TTC28: variants seen among roughly 807,000 people sequenced by gnomAD.
TTC28 encodes the protein tetratricopeptide repeat domain 28.
A neutral mutation model predicts 198.0 loss-of-function variants in TTC28; 61 were observed. The ratio of observed to expected loss-of-function variants is 0.31; its 90% CI spans 0.25 to 0.38. TTC28 has a LOEUF of 0.38. Among genes scored for constraint, TTC28 ranks in the 10% least tolerant of loss-of-function variants. TTC28 has a pLI of 1.00. For missense variants in TTC28, 2,678 were observed against 3,164.0 expected, an observed-to-expected ratio of 0.85 and a Z score of 3.69; for synonymous variants, 1,171 against 1,297.8, an observed-to-expected ratio of 0.90 and a Z score of 2.10.
intron 5 of TTC28, among the ~76,000 whole-genome samples, chr22:28,208,817 C>A (rs770393932): frequency 5.9e-5 from 9 of 151,910 alleles, no homozygotes; most frequent in Non-Finnish European, 8.8e-5. Flanking sequence ...GATCTGAAAC[C>A]AATTTCGGCC....
At chr22:28,310,370 G>T (rs1436844689) in intron 2 of TTC28, among the ~76,000 whole-genome samples, 1 of 152,142 alleles carries the variant, frequency 6.6e-6, no homozygotes, top group Non-Finnish European at 1.5e-5. Flanking sequence ...AGTATTATTA[G>T]CATTTGCTTT....
At chr22:28,552,579 C>T (rs906714410) in intron 2 of TTC28, among the ~76,000 whole-genome samples, 2 of 152,112 alleles carry the variant, frequency 1.3e-5, no homozygotes, top group African/African-American at 4.8e-5. Flanking sequence ...AACCCAAATA[C>T]TTACAGCTAA....
chr22:28,662,870 T>A (rs1397111422), intron 1 of TTC28, among the ~76,000 whole-genome samples: 4 of 152,040 alleles, frequency 2.6e-5, no homozygotes. Flanking sequence ...ATGACAGGGA[T>A]CCAAGACAAC....
At chr22:28,248,947 C>T (rs1930316541) in intron 5 of TTC28, among the ~76,000 whole-genome samples, 2 of 152,110 alleles carry the variant, frequency 1.3e-5, no homozygotes, top group Admixed American at 1.3e-4. Context: ...TGAGTAAATA[C>T]TTACTGCACA....
Position 27,998,782 on chromosome 22 carries a change from G to A in TTC28, c.4877C>T (p.Ser1626Phe), listed in dbSNP as rs1348531133. 2.6e-6 allele frequency: 4 copies of A among 1,550,684 alleles called. No homozygotes were observed. Among genetic ancestry groups the A allele is most frequent in the Non-Finnish European group, 3.5e-6 (4 of 1,147,016 alleles). ...LPVKLVVLGS[S>F]QESNSKVTAD... ...TGTGACTTTGCTGTTGGACTCCTGG[G>A]AGGAGCCAAGCACCACCAGCTTCAC... Residue 1626 changes from serine to phenylalanine, a missense_variant, in exon 16 of 23, where the codon TCC becomes TTC. By Grantham distance (155) the Ser-to-Phe change is radical. This residue lies in a region of TTC28 where 727 missense variants were observed against 861.9 expected (regional missense o/e 0.84). Transcript: ENST00000397906.
intron 22 of TTC28, 60 bp downstream of exon 22, chr22:27,985,189 G>T: frequency 4.8e-6 from 6 of 1,255,988 alleles, no homozygotes; most frequent in Non-Finnish European, 6.7e-6. Flanking sequence ...TGCTGGTGTC[G>T]GCCCCCAGGG....
At chr22:28,112,017 G>C (rs755808274) in intron 6 of TTC28, among the ~76,000 whole-genome samples, 4 of 152,162 alleles carry the variant, frequency 2.6e-5, no homozygotes, top group Non-Finnish European at 5.9e-5. Context: ...CAGAAGTACT[G>C]TTTACAAGCC....
chr22:28,412,884 T>C (rs2047103888), intron 2 of TTC28, among the ~76,000 whole-genome samples: 1 of 152,224 alleles, frequency 6.6e-6, no homozygotes, highest in African/African-American at 2.4e-5. Flanking sequence ...CCCTTGGCTA[T>C]CAGCTTTATG....
At chr22:28,170,304 G>A (rs990554918) in intron 5 of TTC28, among the ~76,000 whole-genome samples, 6 of 151,678 alleles carry the variant, frequency 4.0e-5, no homozygotes, top group Non-Finnish European at 7.4e-5. Flanking sequence ...TGGCTAACAC[G>A]GTGAAACCCC....
At chr22:28,652,501 C>T (rs1191872782) in intron 1 of TTC28, among the ~76,000 whole-genome samples, 1 of 152,180 alleles carries the variant, frequency 6.6e-6, no homozygotes, top group African/African-American at 2.4e-5. Context: ...TTTAAAGGAA[C>T]ATCAATGATA....
intron 2 of TTC28, among the ~76,000 whole-genome samples, chr22:28,325,863 C>A (rs1772693763): frequency 6.6e-6 from 1 of 152,020 alleles, no homozygotes; most frequent in Non-Finnish European, 1.5e-5. Flanking sequence ...CTAGTGAGGA[C>A]AGAGAGAACC....
intron 1 of TTC28, among the ~76,000 whole-genome samples, chr22:28,631,143 ATAAG>A (rs1190118813): frequency 3.9e-5 from 6 of 152,234 alleles, no homozygotes; most frequent in Admixed American, 1.3e-4. Context: ...AAATAAATAA[ATAAG>A]TAATGAGAGA....
At chr22:28,653,570 T>C (rs1263035470) in intron 1 of TTC28, among the ~76,000 whole-genome samples, 1 of 151,882 alleles carries the variant, frequency 6.6e-6, no homozygotes, top group Non-Finnish European at 1.5e-5. Context: ...CTGGAGAAGA[T>C]GGAGAGACCG....
chr22:28,476,708 A>T (rs1436872396), intron 2 of TTC28, among the ~76,000 whole-genome samples: 1 of 152,230 alleles, frequency 6.6e-6, no homozygotes, highest in Non-Finnish European at 1.5e-5. Context: ...ATTTTGAAAT[A>T]GAGTTTGACA....
intron 2 of TTC28, among the ~76,000 whole-genome samples, chr22:28,532,206 A>T (rs1309244469): frequency 1.3e-5 from 2 of 152,200 alleles, no homozygotes; most frequent in African/African-American, 4.8e-5. Flanking sequence ...TAGACACAAT[A>T]AAAAATGATA....
chr22:28,242,092 C>T (rs1049746787), intron 5 of TTC28, among the ~76,000 whole-genome samples: 6 of 152,112 alleles, frequency 3.9e-5, no homozygotes, highest in East Asian at 3.8e-4. Flanking sequence ...GAAACTATTT[C>T]GGGGGATCTT....
At chr22:28,520,581 A>G (rs1237294868) in intron 2 of TTC28, among the ~76,000 whole-genome samples, 1 of 152,168 alleles carries the variant, frequency 6.6e-6, no homozygotes, top group Non-Finnish European at 1.5e-5. Flanking sequence ...TGTCTCTACA[A>G]AAAGTAAATG....
chr22:28,085,857 C>T (rs1377873835), intron 12 of TTC28, among the ~76,000 whole-genome samples: 3 of 152,048 alleles, frequency 2.0e-5, no homozygotes, highest in Non-Finnish European at 2.9e-5. Flanking sequence ...GCAGGGGTTG[C>T]AATCCTGGTC....
At chr22:28,225,731 T>TC (rs1210370601) in intron 5 of TTC28, among the ~76,000 whole-genome samples, 3 of 152,208 alleles carry the variant, frequency 2.0e-5, no homozygotes, top group African/African-American at 4.8e-5. Context: ...AGTGAACATA[T>TC]CCCATCCACC....
Sources: allele counts gnomAD v4.1 joint callset (sites outside exome capture counted in the v4.1 genomes callset), GRCh38; gene constraint gnomAD v4.1.1; regional missense constraint gnomAD v4.1.1; transcripts MANE v1.5; gene names NCBI Gene and HGNC (gene_info 2026-07-23, HGNC 2026-07-21).